CFAP57: variants seen among roughly 807,000 people sequenced by gnomAD.
CFAP57 encodes cilia and flagella associated protein 57, also known as cilia- and flagella-associated protein 57.
CFAP57 carries 116 observed loss-of-function variants against 146.8 expected under a neutral mutation model. The ratio of observed to expected loss-of-function variants is 0.79; its 90% CI spans 0.68 to 0.92. The LOEUF (loss-of-function observed/expected upper bound fraction) is 0.92. Ranked by LOEUF, CFAP57 falls within the 40% of genes least tolerant of loss-of-function variation. The pLI is 0.00. For synonymous variants in CFAP57, 518 were observed against 552.8 expected, an observed-to-expected ratio of 0.94 and a Z score of 0.88; for missense variants, 1,377 against 1,527.2, an observed-to-expected ratio of 0.90 and a Z score of 1.64.
intron 2 of CFAP57, among the ~76,000 whole-genome samples, chr1:43,173,514 G>T (rs752458818): frequency 1.3e-5 from 2 of 150,984 alleles, no homozygotes; most frequent in Non-Finnish European, 3.0e-5. Flanking sequence ...ATGTAGATCT[G>T]TGAACCCAGC....
chr1:43,239,835 C>T (rs1184442273), intron 21 of CFAP57, among the ~76,000 whole-genome samples: 1 of 152,200 alleles, frequency 6.6e-6, no homozygotes, highest in Non-Finnish European at 1.5e-5. Flanking sequence ...GTTCTGGTCT[C>T]TTTCACCTGT....
intron 17 of CFAP57, among the ~76,000 whole-genome samples, chr1:43,226,715 G>T (rs1264175589): frequency 1.3e-5 from 2 of 152,240 alleles, no homozygotes; most frequent in Non-Finnish European, 2.9e-5. Context: ...GAGATGCTGT[G>T]GGGGCCATCG....
intron 13 of CFAP57, 113 bp from the exon 14 acceptor site, chr1:43,221,259 A>G (rs1205962455): frequency 4.5e-6 from 3 of 666,046 alleles, no homozygotes; most frequent in East Asian, 5.9e-5. Context: ...GTGCAAAATG[A>G]GGGCTTGAGA....
intron 13 of CFAP57, among the ~76,000 whole-genome samples, chr1:43,220,279 A>G (rs1305724258): frequency 6.6e-6 from 1 of 152,238 alleles, no homozygotes; most frequent in East Asian, 1.9e-4. Flanking sequence ...AGATAAGAAA[A>G]TCAAAGCATA....
chr1:43,178,168 C>G (rs148447584), intron 2 of CFAP57, among the ~76,000 whole-genome samples: 3,395 of 152,246 alleles, frequency 0.022, 130 homozygotes, highest in African/African-American at 0.078. Context: ...AGTGTTAGAC[C>G]TGAAACCATA....
intron 12 of CFAP57, 120 bp from the exon 13 acceptor site, chr1:43,219,262 T>G: frequency 9.3e-7 from 1 of 1,071,654 alleles, no homozygotes; most frequent in Non-Finnish European, 1.3e-6. Context: ...AAGTTCTAGT[T>G]GAGACACATT....
Position 43,229,278 on chromosome 1 carries a change from A to G in CFAP57, c.3009+2152A>G, listed in dbSNP as rs182574608. ...ACCAGCACACCTGGGGGGACCATTC[A>G]TCTTCTCTGGCAGTAACAGGGGCCA... is the stretch of plus-strand genomic sequence containing the variant. On this transcript the variant is annotated intron_variant, in intron 18 of 22. Transcript: ENST00000372492. Among the ~76,000 whole-genome samples the G allele has an allele frequency of 2.6e-4, 39 of 149,046 alleles. 1 individual carries two copies. The highest frequency in any genetic ancestry group is 2.5e-4 in the Non-Finnish European group (17 of 67,588).
chr1:43,180,223 T>TTTTATATATATATATATATA (rs1645340973), intron 2 of CFAP57, among the ~76,000 whole-genome samples: 3 of 137,400 alleles, frequency 2.2e-5, no homozygotes, highest in African/African-American at 8.3e-5. Flanking sequence ...TATATATATT[T>TTTTATATATATATATATATA]TATATATATA....
intron 12 of CFAP57, among the ~76,000 whole-genome samples, chr1:43,216,829 T>A (rs368872883): frequency 6.6e-6 from 1 of 152,236 alleles, no homozygotes; most frequent in East Asian, 1.9e-4. Context: ...TGCCTAGGAT[T>A]TACAGAGGGG....
At chr1:43,197,387 T>C (rs1449807701) in intron 6 of CFAP57, among the ~76,000 whole-genome samples, 166 bp from the exon 7 acceptor site, 1 of 151,962 alleles carries the variant, frequency 6.6e-6, no homozygotes, top group Non-Finnish European at 1.5e-5. Context: ...TAAAAAATAA[T>C]AATAATATTG....
chr1:43,197,488 G>A (rs564626301), intron 6 of CFAP57, 65 bp from the exon 7 acceptor site: 1 of 1,607,396 alleles, frequency 6.2e-7, no homozygotes, highest in African/African-American at 1.3e-5. Context: ...GAACTAATTA[G>A]AGCTGACATG....
At chr1:43,197,245 T>C (rs1352906942) in intron 6 of CFAP57, among the ~76,000 whole-genome samples, 1 of 152,056 alleles carries the variant, frequency 6.6e-6, no homozygotes, top group Non-Finnish European at 1.5e-5. Context: ...CAGTCCCAGC[T>C]ACTCGGGAGG....
intron 9 of CFAP57, among the ~76,000 whole-genome samples, chr1:43,204,655 G>A (rs1291675697): frequency 6.6e-6 from 1 of 152,120 alleles, no homozygotes; most frequent in Non-Finnish European, 1.5e-5. Flanking sequence ...CCCATGAGTT[G>A]CCTAAGCTGC....
chr1:43,239,584 A>G (rs1217168614), intron 21 of CFAP57, among the ~76,000 whole-genome samples: 1 of 152,236 alleles, frequency 6.6e-6, no homozygotes, highest in Admixed American at 6.5e-5. Flanking sequence ...CAGACACAAA[A>G]TCAATAGGAC....
chr1:43,233,502 AG>A (rs1167016652), intron 19 of CFAP57, among the ~76,000 whole-genome samples: 1 of 151,798 alleles, frequency 6.6e-6, no homozygotes, highest in African/African-American at 2.4e-5. Flanking sequence ...AAAAAAAAAA[AG>A]ATTGGAAATT....
At chr1:43,244,962 C>A (rs1646058921) in intron 22 of CFAP57, among the ~76,000 whole-genome samples, 1 of 152,014 alleles carries the variant, frequency 6.6e-6, no homozygotes, top group Non-Finnish European at 1.5e-5. Context: ...AGAGGTGAAA[C>A]CATCTTCTCT....
chr1:43,230,903 A>C (rs934295898), intron 18 of CFAP57, among the ~76,000 whole-genome samples: 20 of 152,210 alleles, frequency 1.3e-4, no homozygotes, highest in African/African-American at 4.3e-4. Flanking sequence ...CTAAGTCTAC[A>C]ACAAGCTGGG....
chr1:43,177,192 G>A (rs1404326716), intron 2 of CFAP57: 2 of 456,374 alleles, frequency 4.4e-6, no homozygotes, highest in Non-Finnish European at 8.8e-6. Flanking sequence ...AACAGCTGAG[G>A]GATGATTGCT....
chr1:43,207,604 G>T (rs1644412106), intron 10 of CFAP57, among the ~76,000 whole-genome samples: 1 of 152,242 alleles, frequency 6.6e-6, no homozygotes, highest in South Asian at 2.1e-4. Flanking sequence ...ATGCATGACT[G>T]TGCAGTGAGC....
Sources: allele counts gnomAD v4.1 joint callset (sites outside exome capture counted in the v4.1 genomes callset), GRCh38; gene constraint gnomAD v4.1.1; transcripts MANE v1.5; gene names NCBI Gene and HGNC (gene_info 2026-07-23, HGNC 2026-07-21).